MAD1L1: variants seen among roughly 807,000 people sequenced by gnomAD.
MAD1L1 encodes the protein mitotic arrest deficient 1 like 1.
MAD1L1 carries 95 observed loss-of-function variants against 96.9 expected under a neutral mutation model. That is an observed-to-expected ratio of 0.98 (90% CI 0.83 to 1.16). The LOEUF is 1.16. MAD1L1 is among the 50% of genes most tolerant of loss of function. The pLI, the probability that MAD1L1 is intolerant of heterozygous loss-of-function variation, is 0.00. For synonymous variants in MAD1L1, 473 were observed against 396.6 expected, an observed-to-expected ratio of 1.19 and a Z score of -2.29; for missense variants, 1,007 against 954.4, an observed-to-expected ratio of 1.06 and a Z score of -0.73.
At chr7:1,884,951 G>A (rs1051548267) in intron 18 of MAD1L1, among the ~76,000 whole-genome samples, 3 of 152,204 alleles carry the variant, frequency 2.0e-5, no homozygotes, top group African/African-American at 7.2e-5. Context: ...CGCCCTCCGG[G>A]AATAGGCAAA....
intron 4 of MAD1L1, among the ~76,000 whole-genome samples, chr7:2,224,772 G>C (rs1256366417): frequency 6.6e-6 from 1 of 152,190 alleles, no homozygotes; most frequent in Non-Finnish European, 1.5e-5. Context: ...CGCGCACTCA[G>C]TGGAAACCTA....
In MAD1L1 at chr7:2,041,120, G is replaced by A. The variant is rs557812482; in HGVS notation, c.1219-26478C>T. ...CTACAGCACCCCCAGAGTTCCTGTC[G>A]GAAAAAGCTCAAGGCTGTCAGGAGG... is the stretch of plus-strand genomic sequence containing the variant. On this transcript the variant is annotated intron_variant, in intron 12 of 18. Coordinates refer to ENST00000265854, the MANE Select transcript of MAD1L1 (RefSeq NM_001013836.2). Among the ~76,000 whole-genome samples, 12 of 152,226 alleles carry A rather than the reference G, an allele frequency of 7.9e-5. No individual in the cohort carries two copies. The East Asian group carries it at 2.1e-3, about 27-fold the overall frequency.
chr7:2,038,109 G>T (rs920297844), intron 12 of MAD1L1, among the ~76,000 whole-genome samples: 2 of 152,210 alleles, frequency 1.3e-5, no homozygotes, highest in Non-Finnish European at 2.9e-5. Flanking sequence ...AGTCTGAGTG[G>T]TCTGGATAGA....
At chr7:1,989,170 G>T (rs1029341969) in intron 14 of MAD1L1, among the ~76,000 whole-genome samples, 1 of 152,196 alleles carries the variant, frequency 6.6e-6, no homozygotes, top group Non-Finnish European at 1.5e-5. Flanking sequence ...TCAGGGTAAC[G>T]CAAACAAAGC....
At chr7:1,946,181 T>A (rs1200980566) in intron 16 of MAD1L1, among the ~76,000 whole-genome samples, 1 of 152,204 alleles carries the variant, frequency 6.6e-6, no homozygotes, top group South Asian at 2.1e-4. Flanking sequence ...CCTCTGTGCA[T>A]TCTGGCAGGA....
At chr7:2,063,575 C>T (rs1784754761) in intron 12 of MAD1L1, among the ~76,000 whole-genome samples, 1 of 152,214 alleles carries the variant, frequency 6.6e-6, no homozygotes, top group African/African-American at 2.4e-5. Flanking sequence ...ACCCACACGT[C>T]CTATGGGAGC....
rs1780291086 is a variant in MAD1L1 at position 1,968,958 on chromosome 7, A to T, written c.1506-11239T>A. ...ACAGGCCCAGAGTCACACGCCGGTG[A>T]CGAGCACCATGGCAGCGTGAGATGT... On this transcript the variant is annotated intron_variant, in intron 15 of 18. Transcript: ENST00000265854. The surrounding 1 kb of genome is among the most constrained non-coding windows in gnomAD (Gnocchi z 5.6). Among the ~76,000 whole-genome samples the T allele has an allele frequency of 6.6e-6, 1 of 152,238 alleles. No homozygotes were observed.
chr7:2,008,442 GC>G (rs545740215), intron 13 of MAD1L1, among the ~76,000 whole-genome samples: 1 of 152,258 alleles, frequency 6.6e-6, no homozygotes, highest in Non-Finnish European at 1.5e-5. Flanking sequence ...ACCGGGTGGA[GC>G]CCCCAGGCCC....
At chr7:1,864,470 C>T (rs1784682387) in intron 18 of MAD1L1, among the ~76,000 whole-genome samples, 1 of 152,214 alleles carries the variant, frequency 6.6e-6, no homozygotes, top group African/African-American at 2.4e-5. Flanking sequence ...CTTCTGGCTT[C>T]TGAACACCCC....
At chr7:1,934,561 A>G (rs999538753) in intron 17 of MAD1L1, among the ~76,000 whole-genome samples, 1 of 151,712 alleles carries the variant, frequency 6.6e-6, no homozygotes, top group African/African-American at 2.4e-5. Context: ...CCCAGACAAC[A>G]GGGGAACAAA....
At chr7:1,923,489 G>A (rs187870426) in intron 17 of MAD1L1, among the ~76,000 whole-genome samples, 185 of 151,508 alleles carry the variant, frequency 1.2e-3, no homozygotes, top group Non-Finnish European at 1.9e-3. Context: ...CCCGGCAGCC[G>A]GGCAACCCCG....
intron 18 of MAD1L1, among the ~76,000 whole-genome samples, chr7:1,878,923 C>A (rs1283763326): frequency 6.6e-6 from 1 of 152,128 alleles, no homozygotes; most frequent in Non-Finnish European, 1.5e-5. Flanking sequence ...TAAGTAAATT[C>A]AGCAAGGTTA....
At chr7:2,217,562 C>A (rs1365459426) in intron 7 of MAD1L1, among the ~76,000 whole-genome samples, 2 of 152,212 alleles carry the variant, frequency 1.3e-5, no homozygotes, top group Non-Finnish European at 2.9e-5. Flanking sequence ...GTCTCCCTGG[C>A]ACGTCCTCCG....
chr7:1,911,626 C>T (rs1465630220), intron 17 of MAD1L1, among the ~76,000 whole-genome samples: 3 of 152,224 alleles, frequency 2.0e-5, no homozygotes, highest in Admixed American at 6.5e-5. Context: ...CAGACTCCGG[C>T]GTCACCTCCA....
chr7:2,197,867 G>T (rs573048952), intron 10 of MAD1L1, among the ~76,000 whole-genome samples: 4 of 152,162 alleles, frequency 2.6e-5, no homozygotes, highest in African/African-American at 9.6e-5. Flanking sequence ...ACCCCTCCCT[G>T]CCTGAGAGCC....
intron 18 of MAD1L1, among the ~76,000 whole-genome samples, chr7:1,858,719 G>T (rs151033206): frequency 1.3e-5 from 2 of 152,232 alleles, no homozygotes; most frequent in African/African-American, 4.8e-5. Flanking sequence ...ACACAGACAC[G>T]AGGCCCACAG....
intron 11 of MAD1L1, among the ~76,000 whole-genome samples, chr7:2,129,095 G>A (rs575074642): frequency 2.7e-4 from 41 of 152,270 alleles, no homozygotes; most frequent in African/African-American, 8.2e-4. Context: ...CTCTCTGATC[G>A]GAAATTCCTT....
chr7:2,118,944 G>C (rs1426213526), intron 11 of MAD1L1, among the ~76,000 whole-genome samples: 4 of 152,160 alleles, frequency 2.6e-5, no homozygotes, highest in Non-Finnish European at 5.9e-5. Context: ...CTGCAGTGCA[G>C]ACCTGGAGCT....
At position 1,832,639 on chromosome 7, in the gene MAD1L1, G is replaced by A. The variant is rs867460707; in HGVS notation, c.1999-16411C>T. Among the ~76,000 whole-genome samples, 31 of 15,410 alleles carry A rather than the reference G, an allele frequency of 2.0e-3. 1 individual carries two copies. In the East Asian group the frequency reaches 0.025, roughly 13 times the overall value. The allele number at this position is 15,410 out of a possible 152,430, so 10.1% of individuals were successfully genotyped here. ...TGTGTTTTTTTTTTTTTGGCGGGGG[G>A]GGGGGGGGTGGGGATGGAGTCGTGC... On this transcript the variant is annotated intron_variant, in intron 18 of 18. Coordinates refer to ENST00000265854, the MANE Select transcript of MAD1L1 (RefSeq NM_001013836.2).
Sources: allele counts gnomAD v4.1 joint callset (sites outside exome capture counted in the v4.1 genomes callset), GRCh38; gene constraint gnomAD v4.1.1; non-coding constraint Gnocchi (gnomAD v3.1); transcripts MANE v1.5; gene names NCBI Gene and HGNC (gene_info 2026-07-23, HGNC 2026-07-21).